The following IL1RAPL2 variants were observed in gnomAD, a reference collection of about 807,000 sequenced individuals.
IL1RAPL2 encodes the protein interleukin 1 receptor accessory protein like 2.
In IL1RAPL2, 3 loss-of-function variants were observed where a neutral mutation model predicts 44.1. The observed-to-expected ratio is 0.07, with a 90% CI of 0.03 to 0.18. The LOEUF is 0.18. Among genes scored for constraint, IL1RAPL2 ranks in the 10% least tolerant of loss-of-function variants. The probability of loss-of-function intolerance (pLI) is 1.00; values close to 1 mark genes in which losing one functional copy is unlikely to be tolerated. For synonymous variants in IL1RAPL2, 181 were observed against 178.8 expected (o/e 1.01, Z -0.10); for missense variants, 391 against 496.4 (o/e 0.79, Z 2.02).
At chrX:105,234,912 A>G (rs2034107224) in intron 4 of IL1RAPL2, among the ~76,000 whole-genome samples, 1 of 110,960 alleles carries the variant, frequency 9.0e-6, no homozygotes, top group Non-Finnish European at 1.9e-5. Context: ...TATCACCCCT[A>G]GACCTGCAGT....
chrX:105,171,943 C>T (rs1383685283), intron 2 of IL1RAPL2, among the ~76,000 whole-genome samples: 4 of 112,317 alleles, frequency 3.6e-5, no homozygotes, highest in African/African-American at 1.3e-4. Context: ...CACGATGTGA[C>T]AGTGTCAAAT....
chrX:104,765,244 G>T (rs780693368), intron 2 of IL1RAPL2, among the ~76,000 whole-genome samples: 1 of 111,210 alleles, frequency 9.0e-6, no homozygotes, highest in Non-Finnish European at 1.9e-5. Context: ...CTTGTTACTT[G>T]TTATTGGTGT....
chrX:104,803,177 T>C (rs773221456), intron 2 of IL1RAPL2, among the ~76,000 whole-genome samples: 2 of 111,761 alleles, frequency 1.8e-5, no homozygotes, highest in Non-Finnish European at 3.8e-5. Context: ...TCTGTTAGGA[T>C]ATCTTCTTTT....
intron 2 of IL1RAPL2, among the ~76,000 whole-genome samples, chrX:105,149,603 G>A (rs2033208239): frequency 9.0e-6 from 1 of 110,974 alleles, no homozygotes; most frequent in Admixed American, 9.6e-5. Context: ...AGGGCGAGGT[G>A]GGTGGATCAC....
At chrX:105,676,386 T>G (rs2037873480) in intron 6 of IL1RAPL2, among the ~76,000 whole-genome samples, 1 of 111,193 alleles carries the variant, frequency 9.0e-6, no homozygotes, top group Admixed American at 9.6e-5. Context: ...TTCTCCTTGA[T>G]TGGTTAGCTG....
intron 2 of IL1RAPL2, among the ~76,000 whole-genome samples, chrX:104,983,440 G>T (rs190806637): frequency 0.044 from 3,023 of 68,385 alleles, 93 homozygotes; most frequent in Middle Eastern, 0.1. Flanking sequence ...ATATATAATA[G>T]ATACATAATA....
intron 1 of IL1RAPL2, among the ~76,000 whole-genome samples, chrX:104,607,637 C>T (rs1269799775): frequency 8.9e-6 from 1 of 112,189 alleles, no homozygotes; most frequent in African/African-American, 3.2e-5. Context: ...AAAAAATGCT[C>T]ATCATCACTG....
intron 1 of IL1RAPL2, among the ~76,000 whole-genome samples, chrX:104,585,323 TATATA>T (rs1304052002): frequency 1.1e-4 from 2 of 18,840 alleles, no homozygotes; most frequent in Non-Finnish European, 1.4e-4. Context: ...ATATATATTA[TATATA>T]ATATATATTA....
chrX:105,217,584 A>G (rs1441229069), intron 3 of IL1RAPL2, among the ~76,000 whole-genome samples: 5 of 112,053 alleles, frequency 4.5e-5, no homozygotes, highest in Admixed American at 9.4e-5. Flanking sequence ...ATTTGACCCA[A>G]CCATCCCATT....
At chrX:105,721,276 C>T (rs1405248620) in intron 7 of IL1RAPL2, among the ~76,000 whole-genome samples, 1 of 110,241 alleles carries the variant, frequency 9.1e-6, no homozygotes, top group Admixed American at 9.7e-5. Context: ...ATTAGCTGGG[C>T]ATGGTGGCAG....
At chrX:105,746,501 T>A (rs1381588568) in intron 8 of IL1RAPL2, among the ~76,000 whole-genome samples, 1 of 112,234 alleles carries the variant, frequency 8.9e-6, no homozygotes, top group East Asian at 2.8e-4. Context: ...AGGATAGATG[T>A]TTCCCTTTTG....
intron 2 of IL1RAPL2, among the ~76,000 whole-genome samples, chrX:104,780,263 A>C (rs191834837): frequency 1.8e-5 from 2 of 111,955 alleles, no homozygotes; most frequent in Non-Finnish European, 3.8e-5. Flanking sequence ...TACCTAAGCC[A>C]TATCTGTTTA....
intron 2 of IL1RAPL2, among the ~76,000 whole-genome samples, chrX:104,715,671 C>T (rs1263356757): frequency 4.9e-5 from 4 of 82,151 alleles, no homozygotes; most frequent in Non-Finnish European, 7.1e-5. Context: ...AGCTTCTATT[C>T]ACAATTGCTA....
rs780116579 is a variant in IL1RAPL2, at chrX:104,891,519, T to C, written c.82+232524T>C. On this transcript the variant is annotated intron_variant, in intron 2 of 10. Transcript: ENST00000372582. ...TTGAAGAGGTCCTTCACATCCCTTG[T>C]AAATTGGATTCCTAGGTACTTTATT... Among the ~76,000 whole-genome samples, 27 of 111,941 alleles carry C rather than the reference T, an allele frequency of 2.4e-4. No individual in the cohort carries two copies. The East Asian group carries it at 3.4e-3, about 14-fold the overall frequency.
At chrX:105,535,115 C>T (rs1247227628) in intron 6 of IL1RAPL2, among the ~76,000 whole-genome samples, 2 of 111,789 alleles carry the variant, frequency 1.8e-5, no homozygotes, top group Non-Finnish European at 3.8e-5. Flanking sequence ...TCACAAATCA[C>T]ATCCCACAAA....
At chrX:104,762,809 G>T (rs1445093926) in intron 2 of IL1RAPL2, among the ~76,000 whole-genome samples, 1 of 111,465 alleles carries the variant, frequency 9.0e-6, no homozygotes, top group Non-Finnish European at 1.9e-5. Flanking sequence ...TAGTCTTGGT[G>T]GGATGCAGGA....
chrX:105,205,587 TAAAAAAAAAAAAAAAAAAAAAAAA>T (rs375473348), intron 3 of IL1RAPL2, among the ~76,000 whole-genome samples: 1 of 8,211 alleles, frequency 1.2e-4, no homozygotes, highest in African/African-American at 2.1e-4. Flanking sequence ...AAGACTCTGT[TAAAAAAAAAAAAAAAAAAAAAAAA>T]AAAAAAAAAA....
intron 1 of IL1RAPL2, among the ~76,000 whole-genome samples, chrX:104,626,535 T>C (rs1204962888): frequency 3.6e-5 from 4 of 111,281 alleles, no homozygotes; most frequent in African/African-American, 3.3e-5. Flanking sequence ...CACCAAGTAG[T>C]AATACATGCC....
chrX:104,851,101 C>T (rs754583700), intron 2 of IL1RAPL2, among the ~76,000 whole-genome samples: 3 of 110,560 alleles, frequency 2.7e-5, no homozygotes, highest in Non-Finnish European at 5.7e-5. Flanking sequence ...TTTTCGATGG[C>T]GTCGACTACC....
Sources: gnomAD v4.1 joint callset for allele counts (sites outside exome capture counted in the v4.1 genomes callset) on GRCh38, gnomAD v4.1.1 for gene constraint, MANE v1.5 for transcripts, NCBI Gene and HGNC (gene_info 2026-07-23, HGNC 2026-07-21) for gene names.